EPC1: variants seen among roughly 807,000 people sequenced by gnomAD.
The protein encoded by EPC1 is enhancer of polycomb 1.
EPC1 carries 12 observed loss-of-function variants against 98.4 expected under a neutral mutation model. The ratio of observed to expected loss-of-function variants is 0.12; its 90% CI spans 0.08 to 0.20. The LOEUF is 0.20. Among genes scored for constraint, EPC1 ranks in the 10% least tolerant of loss-of-function variants. The pLI is 1.00. For missense variants in EPC1, 729 were observed against 990.5 expected (o/e 0.74, Z 3.54); for synonymous variants, 357 against 363.9 (o/e 0.98, Z 0.21).
At chr10:32,336,844 GAGT>G (rs1838006373) in intron 1 of EPC1, among the ~76,000 whole-genome samples, 1 of 152,220 alleles carries the variant, frequency 6.6e-6, no homozygotes, top group Non-Finnish European at 1.5e-5. Context: ...TGAAGTCCTT[GAGT>G]AGGAGAGAGG....
intron 1 of EPC1, among the ~76,000 whole-genome samples, chr10:32,318,052 G>A (rs1019922575): frequency 3.9e-5 from 6 of 152,078 alleles, no homozygotes; most frequent in African/African-American, 1.4e-4. Flanking sequence ...ATCCGTTTAG[G>A]CTTAGGTCGT....
At chr10:32,322,288 A>G (rs918788124) in intron 1 of EPC1, among the ~76,000 whole-genome samples, 6 of 152,134 alleles carry the variant, frequency 3.9e-5, no homozygotes, top group Non-Finnish European at 5.9e-5. Context: ...CTTTGCTTCT[A>G]TCTTTGACAC....
In EPC1 at chr10:32,347,143, A is replaced by G. The variant is rs1298587126; in HGVS notation, c.-228T>C. On this transcript the variant is annotated 5_prime_UTR_variant, in exon 1 of 14. The change abolishes an upstream ATG in the 5' untranslated region. Coordinates refer to ENST00000319778, the MANE Select transcript of EPC1 (RefSeq NM_001272004.3). ...ATACGCCATGGCCAACATGGCGGACATTAAAACTCCACTGTGCGCTCTTCA... is the reference window on the plus strand; with the variant it reads ...ATACGCCATGGCCAACATGGCGGACGTTAAAACTCCACTGTGCGCTCTTCA... 7.0e-7 allele frequency: 1 copy of G among 1,420,008 alleles called. No individual in the cohort carries two copies. The allele number at this position is 1,420,008 out of a possible 1,614,324, so 88.0% of individuals were successfully genotyped here.
At chr10:32,339,437 C>T (rs1027341441) in intron 1 of EPC1, among the ~76,000 whole-genome samples, 3 of 152,078 alleles carry the variant, frequency 2.0e-5, no homozygotes, top group African/African-American at 7.2e-5. Flanking sequence ...CCCAGCTACT[C>T]AGGAGGCTGA....
chr10:32,271,405 G>T, intron 13 of EPC1, 149 bp downstream of exon 13: 1 of 917,262 alleles, frequency 1.1e-6, no homozygotes, highest in Non-Finnish European at 1.6e-6. Flanking sequence ...TTTAGTTCTT[G>T]AATAAATAAG....
At chr10:32,363,287 C>T (rs1316012317) in intron 1 of EPC1, among the ~76,000 whole-genome samples, 1 of 152,132 alleles carries the variant, frequency 6.6e-6, no homozygotes, top group Non-Finnish European at 1.5e-5. Flanking sequence ...CACCATGTTG[C>T]CCAGGCTGGT....
intron 1 of EPC1, among the ~76,000 whole-genome samples, chr10:32,316,856 A>G: frequency 6.6e-6 from 1 of 152,264 alleles, no homozygotes; most frequent in East Asian, 1.9e-4. Context: ...AATGATATGC[A>G]TACTGAAGTA....
chr10:32,300,112 T>C (rs1343817627), intron 2 of EPC1, among the ~76,000 whole-genome samples: 1 of 152,046 alleles, frequency 6.6e-6, no homozygotes, highest in Non-Finnish European at 1.5e-5. Flanking sequence ...AGAGTTTCAC[T>C]GTGTTAGCTA....
chr10:32,273,039 A>C, intron 11 of EPC1, 124 bp downstream of exon 11: 1 of 1,614,164 alleles, frequency 6.2e-7, no homozygotes, highest in Non-Finnish European at 8.5e-7. Context: ...TAAACCCTGT[A>C]TATTCAGGCG....
At position 32,299,917 on chromosome 10, in the gene EPC1, T is replaced by G. The variant is rs892341527; in HGVS notation, c.313+5855A>C. 1.7e-4 allele frequency among the ~76,000 whole-genome samples: 25 copies of G among 151,048 alleles called. No individual in the cohort carries two copies. In the East Asian group the frequency reaches 2.9e-3, roughly 18 times the overall value. ...ATTTATGATAATTGCAAAAATGAGT[T>G]TTTTTTTTTATTTTGAGACGGAAGC... is the stretch of plus-strand genomic sequence containing the variant. On this transcript the variant is annotated intron_variant, in intron 2 of 13. Transcript: ENST00000319778.
At chr10:32,312,362 A>G (rs1457412310) in intron 1 of EPC1, among the ~76,000 whole-genome samples, 1 of 152,206 alleles carries the variant, frequency 6.6e-6, no homozygotes, top group Non-Finnish European at 1.5e-5. Flanking sequence ...TGCACAAACC[A>G]TCAATTAGAG....
chr10:32,376,543 C>T (rs1839875756), intron 1 of EPC1, among the ~76,000 whole-genome samples: 1 of 151,888 alleles, frequency 6.6e-6, no homozygotes, highest in African/African-American at 2.4e-5. Context: ...TAAAATGTTA[C>T]AGTGAACATT....
intron 1 of EPC1, among the ~76,000 whole-genome samples, chr10:32,357,831 T>C (rs1181036507): frequency 1.3e-5 from 2 of 151,788 alleles, no homozygotes. Context: ...GTTTATTCTG[T>C]TTTGTGGCCT....
upstream of EPC1, among the ~76,000 whole-genome samples, chr10:32,351,619 T>C (rs554939659): frequency 1.9e-4 from 29 of 150,612 alleles, no homozygotes; most frequent in East Asian, 5.9e-3. Context: ...GATTGCACCA[T>C]TGCACTCCGG....
Position 32,347,053 on chromosome 10 carries a change from C to A in EPC1, c.-138G>T. On this transcript the variant is annotated 5_prime_UTR_variant, in exon 1 of 14. Transcript: ENST00000319778. ...CGGAGCGCAGAGCCCGCCGTCCGGG[C>A]ACTAACACCAGCCGGGAGGGTGGGA... is the stretch of plus-strand genomic sequence containing the variant. 6.8e-7 allele frequency: 1 copy of A among 1,463,702 alleles called. No homozygotes were observed. The highest frequency in any genetic ancestry group is 9.0e-7 in the Non-Finnish European group (1 of 1,113,706). 90.7% of individuals were successfully genotyped at this position (1,463,702 alleles called of 1,614,324 possible).
intron 1 of EPC1, among the ~76,000 whole-genome samples, chr10:32,340,214 A>G (rs1838251053): frequency 6.6e-6 from 1 of 152,210 alleles, no homozygotes; most frequent in Non-Finnish European, 1.5e-5. Flanking sequence ...CCATTACAAC[A>G]AATACTTGAG....
chr10:32,271,829 C>T lies in EPC1; in HGVS notation c.2094G>A (p.Gln698=), dbSNP rs754114351. ...TTGAAGTCTGTGTAATATTTGAAGG[C>T]TGTAACAAAGCTGAACCTGCCGTTG... ...SPSTAGSALL[Q]PSNITQTSSS... is the part of the protein sequence containing the mutation. The change falls in exon 13 of 14, where the codon CAG becomes CAA. Residue 698 remains glutamine (Q), a synonymous_variant. Coordinates refer to ENST00000319778, the MANE Select transcript of EPC1 (RefSeq NM_001272004.3). 5 of 1,613,974 alleles carry T rather than the reference C, an allele frequency of 3.1e-6. No homozygotes were observed. The highest frequency in any genetic ancestry group is 1.1e-5 in the South Asian group (1 of 91,082).
chr10:32,288,699 T>C (rs58988847), intron 6 of EPC1, among the ~76,000 whole-genome samples: 4,979 of 152,004 alleles, frequency 0.033, 273 homozygotes, highest in African/African-American at 0.11. Context: ...AAGCAAATAA[T>C]AGGATAATTA....
chr10:32,349,120 C>T (rs1316999804), upstream of EPC1, among the ~76,000 whole-genome samples: 1 of 152,204 alleles, frequency 6.6e-6, no homozygotes, highest in African/African-American at 2.4e-5. Context: ...TCCGAAAATA[C>T]TGGCTGAATA....
Sources: allele counts gnomAD v4.1 joint callset (sites outside exome capture counted in the v4.1 genomes callset), GRCh38; gene constraint gnomAD v4.1.1; transcripts MANE v1.5; gene names NCBI Gene and HGNC (gene_info 2026-07-23, HGNC 2026-07-21).